Variants in ABAT observed in about 807,000 individuals in gnomAD.
ABAT encodes the protein 4-aminobutyrate aminotransferase, mitochondrial.
In ABAT, 45 loss-of-function variants were observed where a neutral mutation model predicts 64.6. That is an observed-to-expected ratio of 0.70 (90% confidence interval 0.55 to 0.89). The LOEUF is 0.89. Ranked by LOEUF, ABAT falls within the 40% of genes least tolerant of loss-of-function variation. ABAT has a pLI of 0.00. For missense variants in ABAT, 633 were observed against 658.4 expected (o/e 0.96, Z 0.42); for synonymous variants, 297 against 250.5 (o/e 1.19, Z -1.75).
intron 2 of ABAT, among the ~76,000 whole-genome samples, chr16:8,742,233 C>G (rs1965649): frequency 0.8 from 121,137 of 152,066 alleles, 49,046 homozygotes; most frequent in Non-Finnish European, 0.87. Context: ...TGATCCCACG[C>G]TCTCCAGTCA....
chr16:8,743,716 TATATA>T (rs2059249755), intron 2 of ABAT, among the ~76,000 whole-genome samples: 5 of 147,564 alleles, frequency 3.4e-5, no homozygotes, highest in East Asian at 1.9e-4. Context: ...TATATGTAGT[TATATA>T]ATATATATTT....
intron 1 of ABAT, among the ~76,000 whole-genome samples, chr16:8,693,043 TG>T (rs1281597422): frequency 6.6e-6 from 1 of 151,910 alleles, no homozygotes; most frequent in East Asian, 1.9e-4. Context: ...TAGTAGAGAA[TG>T]GGGTTTTACC....
Position 8,757,457 on chromosome 16 carries a change from C to G in ABAT, c.317-300C>G, listed in dbSNP as rs749773142. ...TGCTGGGATTACAGGTGTGAGCCAC[C>G]ACACGTGGCGCATTTATCTCACCTT... On this transcript the variant is annotated intron_variant, in intron 5 of 15. Transcript: ENST00000268251. 5 of 400,508 alleles carry G rather than the reference C, an allele frequency of 1.2e-5. No individual in the cohort carries two copies. In the Admixed American group the frequency reaches 1.8e-4, roughly 14 times the overall value. The allele number at this position is 400,508 out of a possible 1,614,324, so 24.8% of individuals were successfully genotyped here.
rs978873490 is a variant in ABAT, at chr16:8,754,670, A to ATTTC, written c.317-3035_317-3032dup. The stretch of plus-strand genomic sequence containing the variant: ...GCATTTTCAGCAAGTTGATTTATTT[A>ATTTC]TTTCTTTCTTTCTTTCTTTCTTTCT... On this transcript the variant is annotated intron_variant, in intron 5 of 15. Transcript: ENST00000268251. Among the ~76,000 whole-genome samples, 77 of 14,616 alleles carry ATTTC rather than the reference A, an allele frequency of 5.3e-3. 1 individual carries two copies. The highest frequency in any genetic ancestry group is 8.3e-3 in the African/African-American group (77 of 9,278). 9.6% of individuals were successfully genotyped at this position (14,616 alleles called of 152,430 possible).
At chr16:8,689,886 G>T (rs752011846) in intron 1 of ABAT, among the ~76,000 whole-genome samples, 5 of 152,192 alleles carry the variant, frequency 3.3e-5, no homozygotes, top group Non-Finnish European at 7.3e-5. Flanking sequence ...AAATTGGAAT[G>T]GTGATAGGGA....
At position 8,759,435 on chromosome 16, in the gene ABAT, C is replaced by G. The variant is rs114230327; in HGVS notation, c.366+1629C>G. Among the ~76,000 whole-genome samples the G allele has an allele frequency of 3.7e-3, 567 of 151,982 alleles. 4 individuals are homozygous for G. Among genetic ancestry groups the G allele is most frequent in the African/African-American group, 0.013 (541 of 41,446 alleles). ...TGAGGAATCAGAACATGCCCCCACC[C>G]AGTTATTATTCCTTCCAACCAAATT... On this transcript the variant is annotated intron_variant, in intron 6 of 15. Coordinates refer to ENST00000268251, the MANE Select transcript of ABAT (RefSeq NM_020686.6).
At chr16:8,695,939 G>A (rs544286528) in intron 1 of ABAT, among the ~76,000 whole-genome samples, 4 of 152,264 alleles carry the variant, frequency 2.6e-5, no homozygotes, top group South Asian at 2.1e-4. Context: ...AGCTGATTGG[G>A]TCTAAACCAA....
intron 1 of ABAT, among the ~76,000 whole-genome samples, chr16:8,678,343 G>T (rs937849121): frequency 6.6e-6 from 1 of 152,074 alleles, no homozygotes; most frequent in Non-Finnish European, 1.5e-5. Flanking sequence ...CAACCAAAGC[G>T]CTGGGGTTAC....
intron 5 of ABAT, among the ~76,000 whole-genome samples, chr16:8,753,328 C>T (rs2059547895): frequency 6.6e-6 from 1 of 152,096 alleles, no homozygotes; most frequent in African/African-American, 2.4e-5. Context: ...ATCTTCTGAC[C>T]TCGTGATCCA....
rs1386429389 is a variant in ABAT, at chr16:8,723,545, G to A, written c.-41-12154G>A. 2.0e-5 allele frequency among the ~76,000 whole-genome samples: 3 copies of A among 152,062 alleles called. No homozygotes were observed. In the East Asian group the frequency reaches 5.8e-4, roughly 29 times the overall value. On this transcript the variant is annotated intron_variant, in intron 1 of 15. Transcript: ENST00000268251. ...ATCTCCAGGGATCTCAGACCATAGG[G>A]CTCTAGAATCAATGACTACATCTTC...
chr16:8,720,988 A>C (rs2058353047), intron 1 of ABAT: 1 of 152,098 alleles, frequency 6.6e-6, no homozygotes, highest in Non-Finnish European at 1.5e-5. Context: ...CTGTTTATTC[A>C]ATGATTGTTT....
intron 2 of ABAT, among the ~76,000 whole-genome samples, chr16:8,738,738 G>A (rs973837570): frequency 7.3e-5 from 11 of 150,774 alleles, no homozygotes; most frequent in Middle Eastern, 3.4e-3. Context: ...TCCACCTCCC[G>A]GATTCAAGTG....
chr16:8,737,874 G>A (rs1161914803), intron 2 of ABAT, among the ~76,000 whole-genome samples: 2 of 142,382 alleles, frequency 1.4e-5, no homozygotes, highest in Non-Finnish European at 3.0e-5. Flanking sequence ...GTTGCAGTAA[G>A]CTGAGATTGA....
In ABAT at chr16:8,781,988, G is replaced by C. The variant is rs1208678570; in HGVS notation, c.*558G>C. On this transcript the variant is annotated 3_prime_UTR_variant, in exon 16 of 16. Transcript: ENST00000268251. The surrounding 1 kb of genome is among the most constrained non-coding windows in gnomAD (Gnocchi z 4.5). ...GAAGGCCGTAAAATGGGGACAGGAG[G>C]ATTCAGCTCAGGAGTAAGGGAAGAG... is the stretch of plus-strand genomic sequence containing the variant. The C allele has an allele frequency of 2.7e-5, 5 of 183,108 alleles. No homozygotes were observed. The highest frequency in any genetic ancestry group is 1.2e-4 in the African/African-American group (5 of 42,668). The allele number at this position is 183,108 out of a possible 1,614,324, so 11.3% of individuals were successfully genotyped here.
chr16:8,767,195 A>G (rs1265676642), intron 9 of ABAT, among the ~76,000 whole-genome samples: 1 of 152,240 alleles, frequency 6.6e-6, no homozygotes, highest in African/African-American at 2.4e-5. Flanking sequence ...GTGAAGAGTC[A>G]GAAAACAATG....
At chr16:8,705,504 G>C (rs2057919825) in intron 1 of ABAT, 1 of 152,134 alleles carries the variant, frequency 6.6e-6, no homozygotes, top group African/African-American at 2.4e-5. Context: ...AATTTTAAAA[G>C]AGCTATAACA....
chr16:8,685,375 T>TA (rs984097331), intron 1 of ABAT, among the ~76,000 whole-genome samples: 9 of 150,690 alleles, frequency 6.0e-5, no homozygotes, highest in African/African-American at 2.2e-4. Flanking sequence ...TCTTTTTCTA[T>TA]AAAAACAATG....
intron 1 of ABAT, among the ~76,000 whole-genome samples, 179 bp downstream of exon 1, chr16:8,674,890 C>CA (rs772336991): frequency 5.9e-4 from 90 of 152,230 alleles, no homozygotes; most frequent in Non-Finnish European, 9.3e-4. Context: ...CCCCAGAGAG[C>CA]AAAATACCTT....
intron 6 of ABAT, among the ~76,000 whole-genome samples, chr16:8,763,475 T>C (rs560020242): frequency 6.6e-6 from 1 of 152,354 alleles, no homozygotes; most frequent in Admixed American, 6.5e-5. Context: ...CCTCTGCCCT[T>C]AGGGTGTCCT....
Sources: gnomAD v4.1 joint callset for allele counts (sites outside exome capture counted in the v4.1 genomes callset) on GRCh38, gnomAD v4.1.1 for gene constraint, Gnocchi (gnomAD v3.1) non-coding constraint, MANE v1.5 for transcripts, NCBI Gene and HGNC (gene_info 2026-07-23, HGNC 2026-07-21) for gene names.